Variants in RBM17 observed in about 807,000 individuals in gnomAD.
RBM17 encodes the protein RNA binding motif protein 17.
RBM17 carries 7 observed loss-of-function variants against 53.2 expected under a neutral mutation model. That is an observed-to-expected ratio of 0.13 (90% CI 0.07 to 0.25). The LOEUF is 0.25. Ranked by LOEUF, RBM17 falls within the 10% of genes least tolerant of loss-of-function variation. RBM17 has a pLI of 1.00. For missense variants in RBM17, 257 were observed against 496.7 expected (o/e 0.52, Z 4.59); for synonymous variants, 167 against 178.1 (o/e 0.94, Z 0.50).
In RBM17 at chr10:6,106,169, G is replaced by A; in HGVS notation, c.436G>A (p.Gly146Arg). 1 of 1,613,652 alleles carries A rather than the reference G, an allele frequency of 6.2e-7. No individual in the cohort carries two copies. The highest frequency in any genetic ancestry group is 1.3e-5 in the African/African-American group (1 of 75,008). ...GCGTAAAGACAGACATGAAGCAAGT[G>A]GGTTTGCAAGGAGACCAGATCCAGA... is the stretch of plus-strand genomic sequence containing the variant. ...KRRKDRHEAS[G>R]FARRPDPDSD... Residue 146 changes from glycine to arginine, a missense_variant, in exon 5 of 12, where the codon GGG becomes AGG. Physicochemically the swap from Gly to Arg is moderately radical, Grantham distance 125. Coordinates refer to ENST00000379888, the MANE Select transcript of RBM17 (RefSeq NM_032905.5).
intron 2 of RBM17, among the ~76,000 whole-genome samples, chr10:6,098,981 T>G (rs1364191360): frequency 1.3e-5 from 2 of 152,234 alleles, no homozygotes; most frequent in African/African-American, 4.8e-5. Flanking sequence ...TTTTTAAAAT[T>G]CATCATTACC....
intron 9 of RBM17, 114 bp from the exon 10 acceptor site, chr10:6,113,935 T>C: frequency 1.5e-6 from 1 of 688,686 alleles, no homozygotes; most frequent in Non-Finnish European, 2.5e-6. Context: ...AAATTTTTCA[T>C]TATGTCGTTT....
At chr10:6,107,479 CTTTTTTTTTTTT>C (rs71390124) in intron 5 of RBM17, among the ~76,000 whole-genome samples, 1 of 56,586 alleles carries the variant, frequency 1.8e-5, no homozygotes, top group African/African-American at 6.7e-5. Context: ...CACCCGGCCT[CTTTTTTTTTTTT>C]TTTTTTTTTG....
chr10:6,094,440 C>T (rs948267450), intron 1 of RBM17, among the ~76,000 whole-genome samples: 2 of 152,136 alleles, frequency 1.3e-5, no homozygotes, highest in Non-Finnish European at 2.9e-5. Flanking sequence ...TGTGATTTCC[C>T]AGAAAGTCGC....
chr10:6,115,194 G>A, intron 10 of RBM17, 45 bp from the exon 11 acceptor site: 1 of 1,470,076 alleles, frequency 6.8e-7, no homozygotes, highest in Non-Finnish European at 9.4e-7. Context: ...CTCATTCAAT[G>A]CAATCTCAAA....
intron 2 of RBM17, 51 bp from the exon 3 acceptor site, chr10:6,101,220 G>A (rs766575891): frequency 1.6e-6 from 2 of 1,218,902 alleles, no homozygotes; most frequent in Admixed American, 2.3e-5. Flanking sequence ...CAAACAGTGT[G>A]AATTTTAATT....
At position 6,112,177 on chromosome 10, in the gene RBM17, G is replaced by A. The variant is rs749261154; in HGVS notation, c.705-33G>A. ...ACCTATCTCCAGTTGACGATGTCAA[G>A]GCTAAGAGTCCTTTCCCTTCTTCTC... is the stretch of plus-strand genomic sequence containing the variant. On this transcript the variant is annotated intron_variant, in intron 7 of 11. Transcript: ENST00000379888. The surrounding 1 kb of genome is among the most constrained non-coding windows in gnomAD (Gnocchi z 4.4). The A allele has an allele frequency of 1.3e-5, 21 of 1,603,076 alleles. No individual in the cohort carries two copies. The highest frequency in any genetic ancestry group is 5.5e-5 in the South Asian group (5 of 90,854).
Position 6,114,156 on chromosome 10 carries a change from G to A in RBM17, c.1029+9G>A, listed in dbSNP as rs761898173. 97 of 1,488,336 alleles carry A rather than the reference G, an allele frequency of 6.5e-5. 1 individual carries two copies. Among genetic ancestry groups the A allele is most frequent in the Non-Finnish European group, 8.7e-5 (93 of 1,068,380 alleles). The allele number at this position is 1,488,336 out of a possible 1,614,324, so 92.2% of individuals were successfully genotyped here. ...AATGTGTGATATTTGAAGTAAGAGTGTTTTCTTTTGATGTTTATAACACAA... is the reference window on the plus strand; with the variant it reads ...AATGTGTGATATTTGAAGTAAGAGTATTTTCTTTTGATGTTTATAACACAA... On this transcript the variant is annotated intron_variant, in intron 10 of 11. Transcript: ENST00000379888.
intron 3 of RBM17, among the ~76,000 whole-genome samples, 170 bp from the exon 4 acceptor site, chr10:6,104,761 T>C (rs1384390757): frequency 6.6e-6 from 1 of 152,246 alleles, no homozygotes; most frequent in African/African-American, 2.4e-5. Context: ...TGCTACCACC[T>C]GACTAGGCAC....
intron 9 of RBM17, 120 bp downstream of exon 9, chr10:6,113,701 G>T: frequency 1.4e-6 from 1 of 724,024 alleles, no homozygotes. Flanking sequence ...AATACTTTGG[G>T]CAGATCCCAC....
At chr10:6,111,454 C>T (rs1430094869) in intron 7 of RBM17, among the ~76,000 whole-genome samples, 1 of 152,252 alleles carries the variant, frequency 6.6e-6, no homozygotes, top group East Asian at 1.9e-4. Flanking sequence ...GTTCTCCTGC[C>T]TCAGCCTGCC....
chr10:6,096,671 A>G (rs2132940160), intron 1 of RBM17, among the ~76,000 whole-genome samples: 1 of 152,124 alleles, frequency 6.6e-6, no homozygotes, highest in East Asian at 1.9e-4. Context: ...TCAACCTGCT[A>G]ATTGGTGTTT....
chr10:6,096,981 T>C (rs775084256), intron 1 of RBM17, 67 bp from the exon 2 acceptor site: 189 of 1,469,858 alleles, frequency 1.3e-4, no homozygotes, highest in Non-Finnish European at 1.7e-4. Flanking sequence ...TTCATGATAC[T>C]TATTTTAACA....
intron 7 of RBM17, among the ~76,000 whole-genome samples, chr10:6,111,614 A>T (rs1404876802): frequency 6.6e-6 from 1 of 152,230 alleles, no homozygotes; most frequent in Non-Finnish European, 1.5e-5. Context: ...TGCTGGGATT[A>T]TAAGTGTGAT....
intron 6 of RBM17, among the ~76,000 whole-genome samples, chr10:6,109,687 G>C (rs1056060658): frequency 4.6e-5 from 7 of 152,076 alleles, no homozygotes. Flanking sequence ...ACATCTTTCC[G>C]GCAAGAATAT....
chr10:6,094,387 T>C (rs1421212178), intron 1 of RBM17, among the ~76,000 whole-genome samples: 1 of 152,100 alleles, frequency 6.6e-6, no homozygotes, highest in Non-Finnish European at 1.5e-5. Flanking sequence ...AAAGCAAATA[T>C]CTAGAGTTTA....
chr10:6,099,284 T>G (rs1401810118), intron 2 of RBM17, among the ~76,000 whole-genome samples: 1 of 151,968 alleles, frequency 6.6e-6, no homozygotes, highest in Admixed American at 6.6e-5. Context: ...TGTGGGTTTT[T>G]TTTTTTAAGG....
chr10:6,097,337 A>G (rs1840591222), intron 2 of RBM17, 149 bp downstream of exon 2: 1 of 764,464 alleles, frequency 1.3e-6, no homozygotes, highest in Admixed American at 2.8e-5. Context: ...TGAGGAGTTT[A>G]AGGCCACTTT....
chr10:6,108,834 C>A, intron 6 of RBM17, 92 bp downstream of exon 6: 1 of 975,050 alleles, frequency 1.0e-6, no homozygotes, highest in Non-Finnish European at 1.6e-6. Flanking sequence ...GTTTCCTGAG[C>A]GTAGAGGGAA....
Sources: gnomAD v4.1 joint callset for allele counts (sites outside exome capture counted in the v4.1 genomes callset) on GRCh38, gnomAD v4.1.1 for gene constraint, Gnocchi (gnomAD v3.1) non-coding constraint, MANE v1.5 for transcripts, NCBI Gene and HGNC (gene_info 2026-07-23, HGNC 2026-07-21) for gene names.